STK32B: variants seen among roughly 807,000 people sequenced by gnomAD.
STK32B encodes serine/threonine-protein kinase 32B.
Under a neutral mutation model 52.6 loss-of-function variants are expected in STK32B, and 43 were observed. The observed-to-expected ratio is 0.82, with a 90% CI of 0.64 to 1.05. The LOEUF (loss-of-function observed/expected upper bound fraction) is 1.05. STK32B is among the 50% of genes least tolerant of loss of function. The pLI is 0.00. For synonymous variants in STK32B, 238 were observed against 204.3 expected (o/e 1.17, Z -1.41); for missense variants, 621 against 534.6 (o/e 1.16, Z -1.59).
intron 11 of STK32B, 63 bp downstream of exon 11, chr4:5,468,133 G>T: frequency 6.4e-7 from 1 of 1,563,346 alleles, no homozygotes; most frequent in Non-Finnish European, 8.8e-7. Context: ...GGTCCTCCTG[G>T]CAGAATCACA....
rs148295874 is a variant in STK32B at position 5,349,628 on chromosome 4, C to T, written c.434+18235C>T. Among the ~76,000 whole-genome samples the T allele has an allele frequency of 2.6e-5, 4 of 152,144 alleles. No individual in the cohort carries two copies. The East Asian group carries it at 7.7e-4, about 29-fold the overall frequency. On this transcript the variant is annotated intron_variant, in intron 4 of 11. Transcript: ENST00000282908. ...AAGGAACACAGTAATTATCTGGCAA[C>T]ACAGATCCCAATCAAAAACAAATGT...
At chr4:5,054,351 G>A (rs1400202136) in intron 1 of STK32B, among the ~76,000 whole-genome samples, 1 of 152,072 alleles carries the variant, frequency 6.6e-6, no homozygotes, top group South Asian at 2.1e-4. Flanking sequence ...ACTCAGAGTG[G>A]GGGGAGGGAT....
At chr4:5,439,242 C>T (rs1490207254) in intron 6 of STK32B, among the ~76,000 whole-genome samples, 4 of 151,158 alleles carry the variant, frequency 2.6e-5, no homozygotes, top group East Asian at 1.9e-4. Context: ...GTTCCTATTT[C>T]TCCACATCCT....
intron 3 of STK32B, among the ~76,000 whole-genome samples, chr4:5,199,701 T>C (rs949385351): frequency 2.0e-5 from 3 of 152,176 alleles, no homozygotes; most frequent in African/African-American, 7.2e-5. Context: ...CAACACCAGA[T>C]GGTTTCTTAT....
chr4:5,493,148 G>C (rs1031158020), intron 11 of STK32B, among the ~76,000 whole-genome samples: 4 of 151,834 alleles, frequency 2.6e-5, no homozygotes, highest in Admixed American at 1.3e-4. Context: ...AGTTTCAGAA[G>C]GAATGGTACT....
intron 11 of STK32B, among the ~76,000 whole-genome samples, chr4:5,492,217 A>G (rs572378197): frequency 2.0e-5 from 3 of 152,204 alleles, no homozygotes; most frequent in African/African-American, 4.8e-5. Context: ...ATGAGCATGG[A>G]ATGTTCTTCC....
intron 9 of STK32B, among the ~76,000 whole-genome samples, chr4:5,462,871 G>C (rs1425091733): frequency 4.6e-5 from 7 of 152,210 alleles, no homozygotes; most frequent in African/African-American, 1.7e-4. Context: ...ACAACCACAA[G>C]GGTAGGGTTT....
At chr4:5,196,683 T>G (rs1721702751) in intron 3 of STK32B, among the ~76,000 whole-genome samples, 1 of 151,756 alleles carries the variant, frequency 6.6e-6, no homozygotes, top group Non-Finnish European at 1.5e-5. Context: ...ATCGTGCCAC[T>G]GCTCTCCAGT....
chr4:5,225,294 C>T (rs1164143194), intron 3 of STK32B, among the ~76,000 whole-genome samples: 1 of 151,992 alleles, frequency 6.6e-6, no homozygotes, highest in Non-Finnish European at 1.5e-5. Context: ...ATAATCCCAG[C>T]TACTCGGGAG....
intron 3 of STK32B, among the ~76,000 whole-genome samples, chr4:5,205,305 G>T (rs1722479238): frequency 6.6e-6 from 1 of 152,160 alleles, no homozygotes; most frequent in Non-Finnish European, 1.5e-5. Flanking sequence ...ACAATGGTGG[G>T]ACTATGGAGG....
chr4:5,424,352 C>G (rs1411981677), intron 6 of STK32B, among the ~76,000 whole-genome samples: 5 of 152,158 alleles, frequency 3.3e-5, no homozygotes, highest in Non-Finnish European at 7.3e-5. Context: ...CACTTTCAAG[C>G]CAGGGATGGT....
chr4:5,062,670 C>A (rs4395445), intron 1 of STK32B, among the ~76,000 whole-genome samples: 19 of 152,074 alleles, frequency 1.2e-4, no homozygotes, highest in Middle Eastern at 3.4e-3. Flanking sequence ...CACCATGCCC[C>A]GCTAATTTCT....
intron 4 of STK32B, among the ~76,000 whole-genome samples, chr4:5,375,599 A>G (rs561599956): frequency 1.3e-5 from 2 of 152,120 alleles, no homozygotes; most frequent in African/African-American, 4.8e-5. Flanking sequence ...GTGTTTTAAG[A>G]ACACAATATC....
At chr4:5,331,470 GGA>G in intron 4 of STK32B, 77 bp downstream of exon 4, 1 of 1,476,658 alleles carries the variant, frequency 6.8e-7, no homozygotes. Flanking sequence ...GCAGTAGTGG[GGA>G]GAGAATTTTG....
At chr4:5,097,677 T>C (rs1294665545) in intron 1 of STK32B, among the ~76,000 whole-genome samples, 2 of 152,206 alleles carry the variant, frequency 1.3e-5, no homozygotes, top group African/African-American at 4.8e-5. Flanking sequence ...AGGGCCATTT[T>C]TTATGGTTTC....
intron 5 of STK32B, among the ~76,000 whole-genome samples, chr4:5,401,118 G>A (rs1737265411): frequency 6.6e-6 from 1 of 152,174 alleles, no homozygotes; most frequent in South Asian, 2.1e-4. Flanking sequence ...GAATACAACA[G>A]CAGTTTATTT....
intron 6 of STK32B, among the ~76,000 whole-genome samples, chr4:5,425,121 A>G (rs1314488028): frequency 3.9e-5 from 6 of 152,138 alleles, no homozygotes; most frequent in African/African-American, 1.4e-4. Context: ...TGCTCACACA[A>G]CCCTCATGGC....
At chr4:5,238,356 T>G (rs1724775892) in intron 3 of STK32B, among the ~76,000 whole-genome samples, 1 of 152,150 alleles carries the variant, frequency 6.6e-6, no homozygotes, top group African/African-American at 2.4e-5. Context: ...AAGGCCTCTC[T>G]GTTTCTTCTC....
chr4:5,303,370 C>A (rs1200539609), intron 3 of STK32B, among the ~76,000 whole-genome samples: 1 of 152,058 alleles, frequency 6.6e-6, no homozygotes, highest in Non-Finnish European at 1.5e-5. Flanking sequence ...TTGATTATGG[C>A]CATTCTTGTC....
Sources: gnomAD v4.1 joint callset for allele counts (sites outside exome capture counted in the v4.1 genomes callset) on GRCh38, gnomAD v4.1.1 for gene constraint, MANE v1.5 for transcripts, NCBI Gene and HGNC (gene_info 2026-07-23, HGNC 2026-07-21) for gene names.